Variants in DLGAP2 observed in about 807,000 individuals in gnomAD.
The protein encoded by DLGAP2 is DLG associated protein 2.
In DLGAP2, 26 loss-of-function variants were observed where a neutral mutation model predicts 100.3. That is an observed-to-expected ratio of 0.26 (90% CI 0.19 to 0.36). DLGAP2 has a LOEUF of 0.36. Ranked by LOEUF, DLGAP2 falls within the 10% of genes least tolerant of loss-of-function variation. The pLI is 1.00. For synonymous variants in DLGAP2, 886 were observed against 630.1 expected (o/e 1.41, Z -6.08); for missense variants, 1,858 against 1,453.2 (o/e 1.28, Z -4.53).
At position 1,704,616 on chromosome 8, in the gene DLGAP2, T is replaced by A. The variant is rs34015999; in HGVS notation, c.*3210T>A. 1 of 152,196 alleles carries A rather than the reference T, an allele frequency of 6.6e-6. No homozygotes were observed. Among genetic ancestry groups the A allele is most frequent in the Admixed American group, 6.5e-5 (1 of 15,272 alleles). 9.4% of individuals were successfully genotyped at this position (152,196 alleles called of 1,614,324 possible). On this transcript the variant is annotated 3_prime_UTR_variant, in exon 15 of 15. Transcript: ENST00000637795. ...CATCTTAGAATGGTATATAAAAAAA[T>A]TGAACTGTTTATGATACCAAAAAAA...
intron 1 of DLGAP2, among the ~76,000 whole-genome samples, chr8:846,014 A>G (rs1417200633): frequency 1.3e-5 from 2 of 152,240 alleles, no homozygotes; most frequent in Non-Finnish European, 2.9e-5. Flanking sequence ...GTGTTTGAAA[A>G]TAATACTTAT....
intron 3 of DLGAP2, among the ~76,000 whole-genome samples, chr8:1,482,387 T>G (rs776618776): frequency 6.6e-6 from 1 of 152,254 alleles, no homozygotes; most frequent in Non-Finnish European, 1.5e-5. Flanking sequence ...TTCATGTGTC[T>G]TTACACTAGA....
chr8:1,331,736 G>C (rs1301692763), intron 3 of DLGAP2, among the ~76,000 whole-genome samples: 1 of 152,188 alleles, frequency 6.6e-6, no homozygotes, highest in Admixed American at 6.5e-5. Context: ...TTTAAAACGT[G>C]TCTTGTTTTG....
chr8:1,496,684 C>A (rs932218610), intron 3 of DLGAP2, among the ~76,000 whole-genome samples: 1 of 152,174 alleles, frequency 6.6e-6, no homozygotes, highest in African/African-American at 2.4e-5. Flanking sequence ...GGGAGCAGGA[C>A]AGCCATTTCT....
chr8:1,379,692 G>A (rs1370115148), intron 3 of DLGAP2: 3 of 152,280 alleles, frequency 2.0e-5, no homozygotes, highest in East Asian at 1.9e-4. Flanking sequence ...CGCACTTAAC[G>A]TCAGGAGCCC....
chr8:1,336,149 C>T (rs1261669863), intron 3 of DLGAP2, among the ~76,000 whole-genome samples: 1 of 152,238 alleles, frequency 6.6e-6, no homozygotes, highest in Non-Finnish European at 1.5e-5. Flanking sequence ...CCCATGGGTC[C>T]CTCCTTTCTG....
At chr8:920,214 G>A (rs982062224) in intron 2 of DLGAP2, among the ~76,000 whole-genome samples, 4 of 152,192 alleles carry the variant, frequency 2.6e-5, no homozygotes, top group South Asian at 2.1e-4. Flanking sequence ...GCCCAGGGTC[G>A]TGCTGGGCTC....
intron 1 of DLGAP2, among the ~76,000 whole-genome samples, chr8:814,837 C>G (rs1348032662): frequency 9.3e-5 from 9 of 96,340 alleles, no homozygotes; most frequent in African/African-American, 3.5e-4. Context: ...GGCAACAGAG[C>G]AAGACTCCGT....
intron 3 of DLGAP2, among the ~76,000 whole-genome samples, chr8:1,449,863 C>G (rs12680220): frequency 1.1e-5 from 1 of 87,182 alleles, no homozygotes; most frequent in Non-Finnish European, 2.7e-5. Context: ...AGGGTGAAGA[C>G]GAGGTGGGCG....
At chr8:864,639 A>G (rs1453183467) in intron 1 of DLGAP2, among the ~76,000 whole-genome samples, 1 of 152,180 alleles carries the variant, frequency 6.6e-6, no homozygotes, top group Non-Finnish European at 1.5e-5. Flanking sequence ...GTGAGGAGCT[A>G]CAAGCATAGG....
At chr8:1,253,338 C>A (rs577004353) in intron 2 of DLGAP2, among the ~76,000 whole-genome samples, 1 of 152,162 alleles carries the variant, frequency 6.6e-6, no homozygotes, top group African/African-American at 2.4e-5. Context: ...CCGGCTCCAT[C>A]GGCTGCTACT....
At position 1,244,264 on chromosome 8, in the gene DLGAP2, C is replaced by G. The variant is rs115634860; in HGVS notation, c.74-14587C>G. On this transcript the variant is annotated intron_variant, in intron 2 of 14. Coordinates refer to ENST00000637795, the MANE Select transcript of DLGAP2 (RefSeq NM_001346810.2). ...TGCACCCTAGTGCCCGGCATAGACT[C>G]TGTCACAATGTGGAGGTGCTTAATA... Among the ~76,000 whole-genome samples the G allele has an allele frequency of 5.3e-3, 808 of 152,344 alleles. 12 individuals are homozygous for G. Among genetic ancestry groups the G allele is most frequent in the African/African-American group, 0.018 (753 of 41,576 alleles).
rs948262564 is a variant in DLGAP2 at position 824,612 on chromosome 8, C to G, written c.19-83300C>G. On this transcript the variant is annotated intron_variant, in intron 1 of 14. Transcript: ENST00000637795. ...CCCAGTCCTGGCTCCGGGAGCTTCCCCTCTGGTGAAGATGACTGCTGACCT... is the reference window on the plus strand; with the variant it reads ...CCCAGTCCTGGCTCCGGGAGCTTCCGCTCTGGTGAAGATGACTGCTGACCT... 3.3e-5 allele frequency among the ~76,000 whole-genome samples: 5 copies of G among 151,990 alleles called. No individual in the cohort carries two copies. The East Asian group carries it at 9.7e-4, about 29-fold the overall frequency.
At chr8:1,522,332 T>C (rs767486389) in intron 4 of DLGAP2, among the ~76,000 whole-genome samples, 1 of 152,240 alleles carries the variant, frequency 6.6e-6, no homozygotes, top group Non-Finnish European at 1.5e-5. Flanking sequence ...GTGGTAGTTT[T>C]GCTGAAAGCC....
At chr8:1,552,226 C>T (rs907971066) in intron 5 of DLGAP2, among the ~76,000 whole-genome samples, 1 of 152,190 alleles carries the variant, frequency 6.6e-6, no homozygotes, top group East Asian at 1.9e-4. Flanking sequence ...AAGCACTGCC[C>T]GGAGGATCGG....
intron 3 of DLGAP2, among the ~76,000 whole-genome samples, chr8:1,335,770 G>T (rs938308195): frequency 6.6e-6 from 1 of 152,250 alleles, no homozygotes; most frequent in South Asian, 2.1e-4. Flanking sequence ...GTTTATTTAT[G>T]TCCTTCCTTG....
chr8:741,325 T>C (rs1369897588), intron 1 of DLGAP2, among the ~76,000 whole-genome samples: 1 of 152,216 alleles, frequency 6.6e-6, no homozygotes, highest in Non-Finnish European at 1.5e-5. Flanking sequence ...CAGTAACAAA[T>C]TAATCTCCTC....
In DLGAP2 at chr8:806,572, G is replaced by T. The variant is rs79924687; in HGVS notation, c.18+68747G>T. On this transcript the variant is annotated intron_variant, in intron 1 of 14. Coordinates refer to ENST00000637795, the MANE Select transcript of DLGAP2 (RefSeq NM_001346810.2). ...GAGTCGATAGGTGCCCTGGAAGCAG[G>T]TGCCCCCCGAACAGGTGTACCCGGA... Among the ~76,000 whole-genome samples the T allele has an allele frequency of 7.9e-3, 1,198 of 152,240 alleles. 10 individuals carry two copies. The highest frequency in any genetic ancestry group is 0.012 in the Non-Finnish European group (825 of 68,004).
At chr8:1,304,597 C>G (rs1206587362) in intron 3 of DLGAP2, among the ~76,000 whole-genome samples, 1 of 152,100 alleles carries the variant, frequency 6.6e-6, no homozygotes, top group Non-Finnish European at 1.5e-5. Context: ...AAGATGAGTA[C>G]AATTGTTCTT....
Sources: gnomAD v4.1 joint callset for allele counts (sites outside exome capture counted in the v4.1 genomes callset) on GRCh38, gnomAD v4.1.1 for gene constraint, MANE v1.5 for transcripts, NCBI Gene and HGNC (gene_info 2026-07-23, HGNC 2026-07-21) for gene names.